The following DPP10 variants were observed in gnomAD, a reference collection of about 807,000 sequenced individuals.
The protein encoded by DPP10 is dipeptidyl peptidase like 10, also known as inactive dipeptidyl peptidase 10.
A neutral mutation model predicts 120.9 loss-of-function variants in DPP10; 33 were observed. That is an observed-to-expected ratio of 0.27 (90% CI 0.21 to 0.37). The LOEUF (loss-of-function observed/expected upper bound fraction) is 0.37, where lower values mean the gene tolerates loss of function less well. Ranked by LOEUF, DPP10 falls within the 10% of genes least tolerant of loss-of-function variation. The pLI, the probability that DPP10 is intolerant of heterozygous loss-of-function variation, is 1.00. For synonymous variants in DPP10, 337 were observed against 326.1 expected, an observed-to-expected ratio of 1.03 and a Z score of -0.36; for missense variants, 816 against 942.8, an observed-to-expected ratio of 0.87 and a Z score of 1.76.
chr2:115,350,438 G>A (rs368366860), intron 3 of DPP10, among the ~76,000 whole-genome samples: 1 of 151,746 alleles, frequency 6.6e-6, no homozygotes, highest in East Asian at 1.9e-4. Flanking sequence ...TCCTACTATG[G>A]CAATTTTATG....
At chr2:114,600,700 T>C (rs1443488814) in intron 1 of DPP10, among the ~76,000 whole-genome samples, 2 of 151,916 alleles carry the variant, frequency 1.3e-5, no homozygotes, top group Non-Finnish European at 1.5e-5. Context: ...CCAGTAATAA[T>C]ATTTCTAGCC....
chr2:115,184,599 G>A (rs527342463), intron 1 of DPP10, among the ~76,000 whole-genome samples: 6 of 152,160 alleles, frequency 3.9e-5, no homozygotes, highest in Non-Finnish European at 8.8e-5. Context: ...AAGCCAAGCC[G>A]GCTCTAATTA....
intron 1 of DPP10, among the ~76,000 whole-genome samples, chr2:114,996,909 G>A (rs574000854): frequency 3.3e-5 from 5 of 150,568 alleles, no homozygotes; most frequent in African/African-American, 7.3e-5. Context: ...TTGAACCCGG[G>A]AGGCGGAGGT....
chr2:115,833,188 A>G (rs1689107064), intron 21 of DPP10, among the ~76,000 whole-genome samples: 1 of 152,212 alleles, frequency 6.6e-6, no homozygotes, highest in African/African-American at 2.4e-5. Context: ...GTCATCTTAT[A>G]TATATTATTT....
intron 1 of DPP10, among the ~76,000 whole-genome samples, chr2:114,693,947 C>T (rs186914738): frequency 2.0e-4 from 31 of 151,974 alleles, no homozygotes; most frequent in South Asian, 6.2e-4. Context: ...TTTGTGTTTA[C>T]GTGTGCACGT....
chr2:114,486,027 TACTG>T (rs1681487152), intron 1 of DPP10, among the ~76,000 whole-genome samples: 1 of 152,198 alleles, frequency 6.6e-6, no homozygotes, highest in South Asian at 2.1e-4. Context: ...ACATTGAACT[TACTG>T]GAAGATTCGT....
At chr2:114,798,307 G>T (rs1024405141) in intron 1 of DPP10, among the ~76,000 whole-genome samples, 5 of 152,052 alleles carry the variant, frequency 3.3e-5, no homozygotes, top group African/African-American at 1.2e-4. Context: ...ATGTGTCATG[G>T]TAATGTAAAA....
rs114639565 is a variant in DPP10, at chr2:114,801,860, G to C, written c.60+359022G>C. 6.4e-3 allele frequency among the ~76,000 whole-genome samples: 973 copies of C among 152,232 alleles called. 9 individuals are homozygous for C. The highest frequency in any genetic ancestry group is 0.022 in the African/African-American group (932 of 41,532). ...TGCTTGGATTCATGTACATGAAACTGCTTGTTGCATAAGGACCAAAGACTG... is the reference window on the plus strand; with the variant it reads ...TGCTTGGATTCATGTACATGAAACTCCTTGTTGCATAAGGACCAAAGACTG... On this transcript the variant is annotated intron_variant, in intron 1 of 25. Coordinates refer to ENST00000410059, the MANE Select transcript of DPP10 (RefSeq NM_020868.6).
At chr2:114,745,135 T>C (rs1013249768) in intron 1 of DPP10, among the ~76,000 whole-genome samples, 11 of 152,226 alleles carry the variant, frequency 7.2e-5, no homozygotes, top group African/African-American at 2.7e-4. Flanking sequence ...ATCTTGATAA[T>C]TGAAGTAATA....
At chr2:114,979,417 C>A (rs1272431598) in intron 1 of DPP10, among the ~76,000 whole-genome samples, 1 of 151,796 alleles carries the variant, frequency 6.6e-6, no homozygotes, top group Non-Finnish European at 1.5e-5. Context: ...TAATAAAAAT[C>A]ATGATGTTTA....
At chr2:115,320,524 C>A (rs1473668158) in intron 2 of DPP10, among the ~76,000 whole-genome samples, 1 of 151,566 alleles carries the variant, frequency 6.6e-6, no homozygotes, top group Admixed American at 6.6e-5. Context: ...TGTTGGTCAT[C>A]ATAATTCATA....
chr2:114,555,607 C>T (rs927011769), intron 1 of DPP10, among the ~76,000 whole-genome samples: 1 of 152,066 alleles, frequency 6.6e-6, no homozygotes, highest in African/African-American at 2.4e-5. Context: ...CTTTTCTAGG[C>T]AGAAAGGATT....
At chr2:114,534,986 T>C (rs1686361341) in intron 1 of DPP10, among the ~76,000 whole-genome samples, 1 of 152,218 alleles carries the variant, frequency 6.6e-6, no homozygotes. Flanking sequence ...GTAATTTAAC[T>C]TTCTCGGCTC....
At chr2:115,493,172 T>G (rs1457309785) in intron 3 of DPP10, among the ~76,000 whole-genome samples, 1 of 152,058 alleles carries the variant, frequency 6.6e-6, no homozygotes, top group Non-Finnish European at 1.5e-5. Context: ...TTGAATTGAT[T>G]GGGCTGTGTA....
intron 1 of DPP10, among the ~76,000 whole-genome samples, chr2:115,043,682 T>C (rs574906279): frequency 6.6e-6 from 1 of 152,084 alleles, no homozygotes; most frequent in Non-Finnish European, 1.5e-5. Flanking sequence ...AAGTCAAACA[T>C]CATGAAGGAA....
At chr2:115,563,567 A>G (rs1266862279) in intron 5 of DPP10, among the ~76,000 whole-genome samples, 2 of 152,126 alleles carry the variant, frequency 1.3e-5, no homozygotes, top group Non-Finnish European at 2.9e-5. Context: ...TGTCTCTACC[A>G]CTTACTGCTT....
At chr2:115,057,849 G>A (rs1225428815) in intron 1 of DPP10, among the ~76,000 whole-genome samples, 1 of 152,122 alleles carries the variant, frequency 6.6e-6, no homozygotes, top group African/African-American at 2.4e-5. Context: ...AATATTGCTT[G>A]GAAAAGATGG....
chr2:114,547,100 G>A (rs765553488), intron 1 of DPP10, among the ~76,000 whole-genome samples: 2 of 152,236 alleles, frequency 1.3e-5, no homozygotes, highest in Non-Finnish European at 2.9e-5. Context: ...GTAGCACAAG[G>A]CCCCATCAAA....
chr2:115,369,049 T>A (rs1161470498), intron 3 of DPP10, among the ~76,000 whole-genome samples: 1 of 151,966 alleles, frequency 6.6e-6, no homozygotes, highest in African/African-American at 2.4e-5. Context: ...ACAGAGTTGT[T>A]TGAGTTCCAG....
Sources: allele counts gnomAD v4.1 joint callset (sites outside exome capture counted in the v4.1 genomes callset), GRCh38; gene constraint gnomAD v4.1.1; transcripts MANE v1.5; gene names NCBI Gene and HGNC (gene_info 2026-07-23, HGNC 2026-07-21).